CHCHD6: variants seen among roughly 807,000 people sequenced by gnomAD.
CHCHD6 encodes the protein coiled-coil-helix-coiled-coil-helix domain containing 6.
A neutral mutation model predicts 32.3 loss-of-function variants in CHCHD6; 28 were observed. That is an observed-to-expected ratio of 0.87 (90% confidence interval 0.64 to 1.19). The LOEUF is 1.19. Ranked by LOEUF, CHCHD6 falls within the 50% of genes most tolerant of loss-of-function variation. CHCHD6 has a pLI of 0.00. For missense variants in CHCHD6, 333 were observed against 307.0 expected, an observed-to-expected ratio of 1.08 and a Z score of -0.63; for synonymous variants, 122 against 117.5, an observed-to-expected ratio of 1.04 and a Z score of -0.25.
intron 4 of CHCHD6, among the ~76,000 whole-genome samples, chr3:126,776,378 T>C (rs909173397): frequency 6.6e-6 from 1 of 152,168 alleles, no homozygotes; most frequent in Non-Finnish European, 1.5e-5. Context: ...TGTCTGATGC[T>C]CTCTTTACTT....
At chr3:126,853,127 A>G (rs1941534879) in intron 5 of CHCHD6, among the ~76,000 whole-genome samples, 1 of 152,262 alleles carries the variant, frequency 6.6e-6, no homozygotes, top group African/African-American at 2.4e-5. Context: ...CAAATACATT[A>G]AAGTTTTATT....
chr3:126,888,525 A>T (rs906718019), intron 5 of CHCHD6, among the ~76,000 whole-genome samples: 1 of 152,106 alleles, frequency 6.6e-6, no homozygotes, highest in African/African-American at 2.4e-5. Flanking sequence ...TCAATAAGGG[A>T]TGTTCCCCCT....
intron 1 of CHCHD6, among the ~76,000 whole-genome samples, chr3:126,717,326 C>A (rs745570566): frequency 2.6e-5 from 4 of 152,112 alleles, no homozygotes; most frequent in Non-Finnish European, 5.9e-5. Flanking sequence ...TATATCATGA[C>A]CTTATATTGG....
chr3:126,922,622 C>CGTGTGT (rs10544737), intron 6 of CHCHD6, among the ~76,000 whole-genome samples: 90 of 147,846 alleles, frequency 6.1e-4, no homozygotes, highest in African/African-American at 1.8e-3. Context: ...CAGCCCACCA[C>CGTGTGT]GTGTGTGTGT....
intron 4 of CHCHD6, among the ~76,000 whole-genome samples, chr3:126,843,396 G>A (rs1441488290): frequency 6.6e-6 from 1 of 152,020 alleles, no homozygotes; most frequent in Non-Finnish European, 1.5e-5. Flanking sequence ...GTTGGGAACT[G>A]TTTCCTCCTC....
chr3:126,947,433 G>A (rs988493214), intron 6 of CHCHD6, among the ~76,000 whole-genome samples: 3 of 152,224 alleles, frequency 2.0e-5, no homozygotes, highest in Non-Finnish European at 4.4e-5. Flanking sequence ...AGTACCCTTG[G>A]TTGTCTCTTT....
At chr3:126,829,217 CAGGTTGTGGAACTCTCCTTTCTGGGGAGT>C (rs886581817) in intron 4 of CHCHD6, among the ~76,000 whole-genome samples, 5 of 152,128 alleles carry the variant, frequency 3.3e-5, no homozygotes, top group Admixed American at 3.3e-4. Flanking sequence ...AGTTTCTATG[CAGGTTGTGGAACTCTCCTTTCTGGGGAGT>C]TCCCCCTCAC....
intron 5 of CHCHD6, among the ~76,000 whole-genome samples, chr3:126,913,289 G>A (rs1008826496): frequency 4.9e-5 from 6 of 123,596 alleles, no homozygotes; most frequent in African/African-American, 1.8e-4. Flanking sequence ...AAGTACAGTG[G>A]CACAATCTCG....
intron 5 of CHCHD6, among the ~76,000 whole-genome samples, chr3:126,910,371 G>C (rs2078072333): frequency 6.6e-6 from 1 of 151,862 alleles, no homozygotes; most frequent in Non-Finnish European, 1.5e-5. Flanking sequence ...TGCAGTCCAA[G>C]CTTTTGAGCC....
At chr3:126,877,774 A>G (rs969047440) in intron 5 of CHCHD6, among the ~76,000 whole-genome samples, 3 of 152,248 alleles carry the variant, frequency 2.0e-5, no homozygotes, top group Admixed American at 2.0e-4. Context: ...TTAGTGGATC[A>G]GTGGTTGTGA....
At chr3:126,770,970 G>T (rs1183479367) in intron 4 of CHCHD6, among the ~76,000 whole-genome samples, 2 of 152,036 alleles carry the variant, frequency 1.3e-5, no homozygotes, top group East Asian at 3.9e-4. Context: ...GCTTTTTTTG[G>T]TTGGTAGGGT....
intron 4 of CHCHD6, among the ~76,000 whole-genome samples, chr3:126,770,070 C>T (rs1326166180): frequency 2.6e-5 from 4 of 151,918 alleles, no homozygotes; most frequent in Non-Finnish European, 5.9e-5. Context: ...TCCTTGGTTA[C>T]GTGTATTCTA....
intron 5 of CHCHD6, among the ~76,000 whole-genome samples, chr3:126,890,917 T>C (rs2077750166): frequency 6.6e-6 from 1 of 152,116 alleles, no homozygotes; most frequent in South Asian, 2.1e-4. Context: ...TGGGAAGGCA[T>C]TGAAGCTACA....
At chr3:126,781,726 C>T (rs901345818) in intron 4 of CHCHD6, among the ~76,000 whole-genome samples, 4 of 152,224 alleles carry the variant, frequency 2.6e-5, no homozygotes, top group African/African-American at 9.6e-5. Context: ...ATCCCGGTAC[C>T]CAGCCCATTT....
chr3:126,870,112 G>A (rs887650840), intron 5 of CHCHD6, among the ~76,000 whole-genome samples: 1 of 152,146 alleles, frequency 6.6e-6, no homozygotes, highest in African/African-American at 2.4e-5. Flanking sequence ...ACTTTCCTGA[G>A]CCTCAATTCC....
chr3:126,937,103 T>C, intron 6 of CHCHD6, among the ~76,000 whole-genome samples: 1 of 152,182 alleles, frequency 6.6e-6, no homozygotes, highest in East Asian at 1.9e-4. Context: ...CCCTTTCCTG[T>C]CTCCATTTTA....
intron 4 of CHCHD6, chr3:126,767,426 C>T: frequency 1.4e-6 from 1 of 720,454 alleles, no homozygotes; most frequent in South Asian, 1.4e-5. Flanking sequence ...CTTGGTGTCA[C>T]CATGTCCCAG....
At chr3:126,835,383 GC>G (rs1212659562) in intron 4 of CHCHD6, among the ~76,000 whole-genome samples, 2 of 152,152 alleles carry the variant, frequency 1.3e-5, no homozygotes, top group Non-Finnish European at 2.9e-5. Flanking sequence ...TCAGGTAGGG[GC>G]CACTTCTCTG....
intron 5 of CHCHD6, among the ~76,000 whole-genome samples, chr3:126,879,966 T>A (rs993987790): frequency 1.3e-5 from 2 of 152,178 alleles, no homozygotes; most frequent in Non-Finnish European, 2.9e-5. Context: ...TTTTTCAAAA[T>A]AAGAACAAGT....
Sources: allele counts gnomAD v4.1 joint callset (sites outside exome capture counted in the v4.1 genomes callset), GRCh38; gene constraint gnomAD v4.1.1; transcripts MANE v1.5; gene names NCBI Gene and HGNC (gene_info 2026-07-23, HGNC 2026-07-21).